DACH2: variants seen among roughly 807,000 people sequenced by gnomAD.
DACH2 encodes the protein dachshund homolog 2.
A neutral mutation model predicts 35.8 loss-of-function variants in DACH2; 17 were observed. That is an observed-to-expected ratio of 0.48 (90% CI 0.33 to 0.71). DACH2 has a LOEUF of 0.71. Ranked by LOEUF, DACH2 falls within the 30% of genes least tolerant of loss-of-function variation. DACH2 has a pLI of 0.02. For synonymous variants in DACH2, 195 were observed against 177.3 expected (o/e 1.10, Z -0.79); for missense variants, 469 against 472.7 (o/e 0.99, Z 0.07).
intron 7 of DACH2, among the ~76,000 whole-genome samples, chrX:86,754,932 G>A (rs971856109): frequency 1.8e-5 from 2 of 110,923 alleles, no homozygotes; most frequent in African/African-American, 3.3e-5. Flanking sequence ...TATTTTTTTC[G>A]GATAAATACC....
intron 1 of DACH2, among the ~76,000 whole-genome samples, chrX:86,293,025 G>A (rs1295889329): frequency 2.1e-5 from 2 of 96,761 alleles, no homozygotes; most frequent in East Asian, 3.3e-4. Context: ...TGACAGTGGG[G>A]TGTTAAAGTC....
At chrX:86,516,369 A>G (rs2038467353) in intron 3 of DACH2, among the ~76,000 whole-genome samples, 1 of 111,554 alleles carries the variant, frequency 9.0e-6, no homozygotes, top group South Asian at 3.8e-4. Flanking sequence ...AAGCTAAATC[A>G]TGTTGAGTAA....
intron 3 of DACH2, among the ~76,000 whole-genome samples, chrX:86,587,097 G>GT (rs2039582280): frequency 9.0e-6 from 1 of 111,505 alleles, no homozygotes; most frequent in African/African-American, 3.2e-5. Flanking sequence ...TTTGAGCAGT[G>GT]TTTTGTAATT....
At chrX:86,374,298 A>G (rs997658014) in intron 1 of DACH2, among the ~76,000 whole-genome samples, 3 of 111,387 alleles carry the variant, frequency 2.7e-5, no homozygotes, top group Non-Finnish European at 3.8e-5. Flanking sequence ...TTTATCAGTG[A>G]TACAGGGTAA....
At chrX:86,218,291 G>A (rs1480534898) in intron 1 of DACH2, among the ~76,000 whole-genome samples, 1 of 111,382 alleles carries the variant, frequency 9.0e-6, no homozygotes, top group Non-Finnish European at 1.9e-5. Context: ...TATTTAAAAG[G>A]CTTATTAATA....
At chrX:86,539,101 TACGTTTTC>T (rs1206346213) in intron 3 of DACH2, among the ~76,000 whole-genome samples, 1 of 111,142 alleles carries the variant, frequency 9.0e-6, no homozygotes, top group African/African-American at 3.3e-5. Flanking sequence ...TTGTAATCCT[TACGTTTTC>T]AGGGAGGGAC....
chrX:86,819,055 A>G (rs1035362515), intron 11 of DACH2, among the ~76,000 whole-genome samples: 3 of 108,260 alleles, frequency 2.8e-5, no homozygotes, highest in Non-Finnish European at 5.7e-5. Context: ...TACATGTAAT[A>G]CATTATATGT....
intron 2 of DACH2, among the ~76,000 whole-genome samples, chrX:86,464,087 T>G (rs946750505): frequency 9.0e-6 from 1 of 111,244 alleles, no homozygotes; most frequent in African/African-American, 3.3e-5. Context: ...GTAAATTAGT[T>G]CAACCATTGT....
At chrX:86,605,494 T>A (rs1443731038) in intron 3 of DACH2, among the ~76,000 whole-genome samples, 3 of 111,153 alleles carry the variant, frequency 2.7e-5, no homozygotes, top group Non-Finnish European at 5.7e-5. Context: ...AAGTCTGATT[T>A]AAAAAAAATC....
At chrX:86,469,123 G>A (rs1193898234) in intron 2 of DACH2, among the ~76,000 whole-genome samples, 2 of 111,324 alleles carry the variant, frequency 1.8e-5, no homozygotes, top group Non-Finnish European at 3.8e-5. Context: ...AATATTACAT[G>A]ATCTCACTAA....
At chrX:86,249,578 AT>A (rs1343244650) in intron 1 of DACH2, among the ~76,000 whole-genome samples, 1 of 111,677 alleles carries the variant, frequency 9.0e-6, no homozygotes, top group Non-Finnish European at 1.9e-5. Context: ...TGTAGAGAAA[AT>A]GGAACACTTA....
intron 1 of DACH2, among the ~76,000 whole-genome samples, chrX:86,247,106 A>T (rs145243288): frequency 1.8e-5 from 2 of 112,198 alleles, no homozygotes; most frequent in Admixed American, 9.5e-5. Context: ...GGTAAGGTTC[A>T]ATTCAACAAG....
At chrX:86,278,463 A>T (rs771028396) in intron 1 of DACH2, among the ~76,000 whole-genome samples, 1 of 112,155 alleles carries the variant, frequency 8.9e-6, no homozygotes, top group East Asian at 2.8e-4. Flanking sequence ...TTGAATCCTG[A>T]AGCATGGATT....
At chrX:86,291,154 G>T (rs1376741690) in intron 1 of DACH2, among the ~76,000 whole-genome samples, 2 of 107,639 alleles carry the variant, frequency 1.9e-5, no homozygotes, top group Non-Finnish European at 3.8e-5. Context: ...CTTGTATGTT[G>T]GATTCCTAGG....
Position 86,657,999 on chromosome X carries a change from A to G in DACH2, c.772+6832A>G, listed in dbSNP as rs770455699. On this transcript the variant is annotated intron_variant, in intron 4 of 11. Coordinates refer to ENST00000373125, the MANE Select transcript of DACH2 (RefSeq NM_053281.3). ...TTTAATTGTGGAGGTACTGGCTTTT[A>G]TTTGTGAAAGGCTTTATCAAAATAC... 6.6e-3 allele frequency among the ~76,000 whole-genome samples: 736 copies of G among 111,597 alleles called. 4 individuals are homozygous for G. The highest frequency in any genetic ancestry group is 9.8e-3 in the Non-Finnish European group (519 of 52,901).
chrX:86,750,607 C>G (rs1353609663), intron 7 of DACH2, among the ~76,000 whole-genome samples: 1 of 110,920 alleles, frequency 9.0e-6, no homozygotes, highest in Non-Finnish European at 1.9e-5. Context: ...TCTCTCTCTA[C>G]AGCTCCTGGC....
chrX:86,678,713 A>T (rs902634169), intron 4 of DACH2, among the ~76,000 whole-genome samples: 10 of 111,895 alleles, frequency 8.9e-5, no homozygotes, highest in South Asian at 3.7e-4. Flanking sequence ...TTAAAATGAA[A>T]CATAAAAAAA....
rs763542373 is a variant in DACH2 at position 86,316,858 on chromosome X, G to A, written c.489-59966G>A. ...TCCAAGGCTGGGCACGGTGCCTCACGCCTGTAATCCCAGCACTTTGGGAGC... is the reference window on the plus strand; with the variant it reads ...TCCAAGGCTGGGCACGGTGCCTCACACCTGTAATCCCAGCACTTTGGGAGC... On this transcript the variant is annotated intron_variant, in intron 1 of 11. Coordinates refer to ENST00000373125, the MANE Select transcript of DACH2 (RefSeq NM_053281.3). 5.4e-5 allele frequency among the ~76,000 whole-genome samples: 6 copies of A among 111,330 alleles called. No individual in the cohort carries two copies. In the South Asian group the frequency reaches 1.9e-3, roughly 35 times the overall value.
intron 2 of DACH2, among the ~76,000 whole-genome samples, chrX:86,437,154 A>AT (rs761895857): frequency 9.0e-6 from 1 of 110,511 alleles, no homozygotes; most frequent in East Asian, 2.8e-4. Flanking sequence ...TTCCACACTG[A>AT]TTTTTTTATT....
Sources: gnomAD v4.1 joint callset for allele counts (sites outside exome capture counted in the v4.1 genomes callset) on GRCh38, gnomAD v4.1.1 for gene constraint, MANE v1.5 for transcripts, NCBI Gene and HGNC (gene_info 2026-07-23, HGNC 2026-07-21) for gene names.